FRMD4A: variants seen among roughly 807,000 people sequenced by gnomAD.
The protein encoded by FRMD4A is FERM domain containing 4A.
Under a neutral mutation model 129.1 loss-of-function variants are expected in FRMD4A, and 29 were observed. That is an observed-to-expected ratio of 0.22 (90% CI 0.17 to 0.31). The LOEUF is 0.31. Among genes scored for constraint, FRMD4A ranks in the 10% least tolerant of loss-of-function variants. The pLI is 1.00. For missense variants in FRMD4A, 1,272 were observed against 1,375.8 expected (o/e 0.92, Z 1.19); for synonymous variants, 634 against 571.6 (o/e 1.11, Z -1.56).
At chr10:14,205,456 G>A (rs1325670722) in intron 2 of FRMD4A, among the ~76,000 whole-genome samples, 3 of 152,130 alleles carry the variant, frequency 2.0e-5, no homozygotes, top group Admixed American at 6.5e-5. Flanking sequence ...CTGATCTTCT[G>A]ATATTACTGT....
chr10:13,748,171 C>T (rs1052959717), intron 8 of FRMD4A, among the ~76,000 whole-genome samples: 1 of 152,088 alleles, frequency 6.6e-6, no homozygotes, highest in Non-Finnish European at 1.5e-5. Context: ...AGGGGTCCCC[C>T]AGGGCAGGAT....
intron 11 of FRMD4A, 30 bp from the exon 12 acceptor site, chr10:13,737,960 A>C (rs369227263): frequency 3.3e-6 from 4 of 1,222,004 alleles, no homozygotes; most frequent in Non-Finnish European, 4.9e-6. Flanking sequence ...TTGGGTGAAT[A>C]TGGGACTGGA....
intron 2 of FRMD4A, among the ~76,000 whole-genome samples, chr10:14,159,088 C>G (rs1004528731): frequency 1.3e-5 from 2 of 152,022 alleles, no homozygotes; most frequent in South Asian, 2.1e-4. Flanking sequence ...GGGAGCAGCC[C>G]GAGGAGGATT....
intron 2 of FRMD4A, among the ~76,000 whole-genome samples, chr10:14,243,499 T>G (rs1328251179): frequency 6.6e-6 from 1 of 152,142 alleles, no homozygotes; most frequent in Non-Finnish European, 1.5e-5. Context: ...TTACCCAGTC[T>G]CAGGCAGTTC....
chr10:14,201,848 A>C (rs541132408), intron 2 of FRMD4A, among the ~76,000 whole-genome samples: 1 of 152,222 alleles, frequency 6.6e-6, no homozygotes, highest in Non-Finnish European at 1.5e-5. Context: ...ATTCACGTGG[A>C]GGCTGGGTGC....
intron 15 of FRMD4A, among the ~76,000 whole-genome samples, chr10:13,685,990 C>A (rs1336125222): frequency 1.3e-5 from 2 of 152,244 alleles, no homozygotes; most frequent in African/African-American, 4.8e-5. Context: ...GTCTCCCTCT[C>A]AATTTTGACT....
chr10:13,917,319 G>C lies in FRMD4A; in HGVS notation c.46-58407C>G, dbSNP rs1589264559. Among the ~76,000 whole-genome samples, 4 of 123,710 alleles carry C rather than the reference G, an allele frequency of 3.2e-5. No individual in the cohort carries two copies. In the Admixed American group the frequency reaches 3.8e-4, roughly 12 times the overall value. The allele number at this position is 123,710 out of a possible 152,430, so 81.2% of individuals were successfully genotyped here. ...TTTTTTTGAGATGGAGACTCGCTTT[G>C]TCGCCCAGTCTGGAGTACAGTGGCG... On this transcript the variant is annotated intron_variant, in intron 2 of 24. Transcript: ENST00000357447.
chr10:14,122,339 TA>T (rs1486397494), intron 2 of FRMD4A, among the ~76,000 whole-genome samples: 1 of 152,186 alleles, frequency 6.6e-6, no homozygotes, highest in Non-Finnish European at 1.5e-5. Context: ...TTTTTATACG[TA>T]AAAAACGTTT....
Position 13,873,439 on chromosome 10 carries a change from G to C in FRMD4A, c.46-14527C>G, listed in dbSNP as rs148833580. Among the ~76,000 whole-genome samples, 217 of 152,344 alleles carry C rather than the reference G, an allele frequency of 1.4e-3. 1 individual carries two copies. Among genetic ancestry groups the C allele is most frequent in the African/African-American group, 4.9e-3 (202 of 41,592 alleles). On this transcript the variant is annotated intron_variant, in intron 2 of 24. Coordinates refer to ENST00000357447, the MANE Select transcript of FRMD4A (RefSeq NM_018027.5). ...GCTGGAGAACTCGCAAAGGAGACTA[G>C]ATTGTAGTAGAACAAAGTGTGTATG...
intron 15 of FRMD4A, chr10:13,675,512 G>T (rs1440492191): frequency 6.5e-6 from 1 of 154,172 alleles, no homozygotes; most frequent in Non-Finnish European, 1.4e-5. Flanking sequence ...AGTGATTCTC[G>T]TGCCTCAGCC....
At chr10:14,161,188 T>A (rs1477532017) in intron 2 of FRMD4A, among the ~76,000 whole-genome samples, 1 of 152,164 alleles carries the variant, frequency 6.6e-6, no homozygotes, top group Non-Finnish European at 1.5e-5. Context: ...ACTCCTGACC[T>A]GAGGTAATCC....
intron 2 of FRMD4A, among the ~76,000 whole-genome samples, chr10:14,087,165 A>G (rs1408246622): frequency 6.7e-6 from 1 of 150,028 alleles, no homozygotes; most frequent in Non-Finnish European, 1.5e-5. Flanking sequence ...AGAATTATAA[A>G]TTATATGTTA....
intron 2 of FRMD4A, among the ~76,000 whole-genome samples, chr10:13,933,397 T>C (rs746258435): frequency 4.6e-5 from 7 of 152,214 alleles, no homozygotes; most frequent in Non-Finnish European, 1.0e-4. Context: ...TGAGCCCCTA[T>C]GCTTGGGCCG....
At chr10:13,809,048 A>T (rs2093403733) in intron 4 of FRMD4A, among the ~76,000 whole-genome samples, 1 of 152,206 alleles carries the variant, frequency 6.6e-6, no homozygotes, top group East Asian at 1.9e-4. Context: ...GAGAACTCAG[A>T]CATGGAGTGT....
intron 7 of FRMD4A, 86 bp downstream of exon 7, chr10:13,762,538 C>G: frequency 2.6e-6 from 2 of 774,208 alleles, no homozygotes; most frequent in Non-Finnish European, 4.5e-6. Context: ...TGAGTAGATA[C>G]AGCTACTGGC....
chr10:14,185,787 C>T (rs776543244), intron 2 of FRMD4A, among the ~76,000 whole-genome samples: 4 of 152,104 alleles, frequency 2.6e-5, no homozygotes, highest in African/African-American at 4.8e-5. Context: ...TACGTACAAT[C>T]CAGACTAGTC....
At chr10:14,007,924 G>T in intron 2 of FRMD4A, 1 of 1,016,400 alleles carries the variant, frequency 9.8e-7, no homozygotes, top group Non-Finnish European at 1.3e-6. Context: ...TTACAGATGA[G>T]ATAGTATTCT....
intron 2 of FRMD4A, among the ~76,000 whole-genome samples, chr10:14,072,757 A>G (rs1471568539): frequency 6.6e-6 from 1 of 152,212 alleles, no homozygotes; most frequent in Non-Finnish European, 1.5e-5. Flanking sequence ...CTGAGATTCC[A>G]TATCAGTACA....
intron 2 of FRMD4A, among the ~76,000 whole-genome samples, chr10:14,171,026 G>C (rs201475275): frequency 5.6e-5 from 1 of 17,892 alleles, no homozygotes; most frequent in East Asian, 1.8e-3. Context: ...TTTTTTTTTT[G>C]TTTATTTGTT....
Sources: allele counts gnomAD v4.1 joint callset (sites outside exome capture counted in the v4.1 genomes callset), GRCh38; gene constraint gnomAD v4.1.1; transcripts MANE v1.5; gene names NCBI Gene and HGNC (gene_info 2026-07-23, HGNC 2026-07-21).